IL12B: variants seen among roughly 807,000 people sequenced by gnomAD.
IL12B encodes interleukin-12 subunit beta.
A neutral mutation model predicts 39.2 loss-of-function variants in IL12B; 27 were observed. The observed-to-expected ratio is 0.69, with a 90% CI of 0.51 to 0.95. IL12B has a LOEUF of 0.95. Among genes scored for constraint, IL12B ranks in the 40% least tolerant of loss-of-function variants. The probability of loss-of-function intolerance (pLI) is 0.00; values close to 1 mark genes in which losing one functional copy is unlikely to be tolerated. For missense variants in IL12B, 351 were observed against 397.6 expected (o/e 0.88, Z 1.00); for synonymous variants, 142 against 152.1 (o/e 0.93, Z 0.49).
chr5:159,324,492 G>A (rs1754155418), intron 2 of IL12B, among the ~76,000 whole-genome samples: 1 of 152,268 alleles, frequency 6.6e-6, no homozygotes, highest in Admixed American at 6.5e-5. Flanking sequence ...CTCAGCTGCT[G>A]AATCAGAAAC....
At chr5:159,321,002 C>CT (rs142289784) in intron 4 of IL12B, among the ~76,000 whole-genome samples, 35,910 of 146,378 alleles carry the variant, frequency 0.25, 4,832 homozygotes, top group East Asian at 0.44. Flanking sequence ...CTCTCTCTCT[C>CT]TCTTTTTTTT....
At position 159,322,265 on chromosome 5, in the gene IL12B, T is replaced by C. The variant is rs1221638895; in HGVS notation, c.482+129A>G. The stretch of plus-strand genomic sequence containing the variant: ...CTTCAATGTAGACAAGGAAGGGCGG[T>C]TGAAAAAACACGGGTTTGACTTTGC... On this transcript the variant is annotated intron_variant, in intron 4 of 7. Coordinates refer to ENST00000231228, the MANE Select transcript of IL12B (RefSeq NM_002187.3). 1.2e-5 allele frequency: 9 copies of C among 762,926 alleles called. No homozygotes were observed. In the East Asian group the frequency reaches 1.5e-4, roughly 12 times the overall value. The allele number at this position is 762,926 out of a possible 1,614,324, so 47.3% of individuals were successfully genotyped here.
chr5:159,320,401 G>C lies in IL12B; in HGVS notation c.602C>G (p.Ala201Gly). 1 of 1,614,146 alleles carries C rather than the reference G, an allele frequency of 6.2e-7. No homozygotes were observed. The highest frequency in any genetic ancestry group is 8.5e-7 in the Non-Finnish European group (1 of 1,180,006). ...VECQEDSACP[A>G]AEESLPIEVM... ...CTCAATGGGCAGACTCTCCTCAGCA[G>C]CTGGGCAGGCACTGTCCTCCTGGCA... The change falls in exon 5 of 8, where the codon GCT becomes GGT. Residue 201 changes from alanine to glycine, a missense_variant. Coordinates refer to ENST00000231228, the MANE Select transcript of IL12B (RefSeq NM_002187.3).
chr5:159,323,963 T>C (rs895282901), intron 2 of IL12B, among the ~76,000 whole-genome samples: 1 of 151,620 alleles, frequency 6.6e-6, no homozygotes, highest in African/African-American at 2.4e-5. Flanking sequence ...AAATTCGGTG[T>C]TAGTTATCGT....
intron 1 of IL12B, among the ~76,000 whole-genome samples, chr5:159,327,359 C>G (rs1452854517): frequency 6.6e-6 from 1 of 152,184 alleles, no homozygotes; most frequent in African/African-American, 2.4e-5. Flanking sequence ...GCAGTGTGTG[C>G]TGGAGCACCC....
rs975427507 is a variant in IL12B at position 159,322,410 on chromosome 5, C to A, written c.466G>T (p.Val156Phe). The A allele has an allele frequency of 3.1e-6, 5 of 1,606,056 alleles. No homozygotes were observed. Among genetic ancestry groups the A allele is most frequent in the Non-Finnish European group, 3.4e-6 (4 of 1,172,742 alleles). Residue 156 changes from valine (V) to phenylalanine (F), a missense_variant, in exon 4 of 8, where the codon GTC becomes TTC. Val to Phe is a conservative substitution (Grantham distance 50). Coordinates refer to ENST00000231228, the MANE Select transcript of IL12B (RefSeq NM_002187.3). ...TTISTDLTFS[V>F]KSSRGSSDPQ... The stretch of plus-strand genomic sequence containing the variant: ...TTCACTCACCCTCTGCTGCTTTTGA[C>A]ACTGAATGTCAAATCAGTACTGATT...
intron 7 of IL12B, among the ~76,000 whole-genome samples, 188 bp downstream of exon 7, chr5:159,316,497 C>T (rs1435199336): frequency 1.3e-5 from 2 of 152,226 alleles, no homozygotes; most frequent in Non-Finnish European, 2.9e-5. Context: ...CTGTGGCCAG[C>T]ACAGTGTCCT....
At chr5:159,318,692 G>A (rs758978248) in intron 6 of IL12B, 44 bp downstream of exon 6, 14 of 1,594,734 alleles carry the variant, frequency 8.8e-6, no homozygotes, top group Middle Eastern at 1.7e-4. Context: ...GTGGGCCTCC[G>A]TAAAACTGAC....
intron 7 of IL12B, 132 bp downstream of exon 7, chr5:159,316,553 T>C: frequency 1.1e-6 from 1 of 881,814 alleles, no homozygotes; most frequent in African/African-American, 1.7e-5. Context: ...AATAAATGTA[T>C]GTTTCTGATT....
chr5:159,326,807 G>C (rs1177017144), intron 1 of IL12B, 25 bp from the exon 2 acceptor site: 3 of 1,349,930 alleles, frequency 2.2e-6, no homozygotes, highest in Non-Finnish European at 3.2e-6. Flanking sequence ...AGAAGCAGGG[G>C]GAAGAGAAGG....
chr5:159,317,341 C>T (rs1224269783), intron 6 of IL12B, among the ~76,000 whole-genome samples: 4 of 152,116 alleles, frequency 2.6e-5, no homozygotes, highest in South Asian at 2.1e-4. Context: ...GTAAAAATCA[C>T]GTCAAACTCT....
At chr5:159,326,430 G>GTCATATGTCTTTCCCCACCATATCATATA (rs1260276056) in intron 2 of IL12B, among the ~76,000 whole-genome samples, 17 of 152,186 alleles carry the variant, frequency 1.1e-4, no homozygotes, top group African/African-American at 4.1e-4. Flanking sequence ...AATATCATAT[G>GTCATATGTCTTTCCCCACCATATCATATA]TCATATGTCT....
rs752964137 is a variant in IL12B, at chr5:159,316,712, G to A, written c.960C>T (p.Ser320=). The A allele has an allele frequency of 8.5e-5, 137 of 1,613,526 alleles. No individual in the cohort carries two copies. The highest frequency in any genetic ancestry group is 1.1e-4 in the Non-Finnish European group (131 of 1,179,914). The change falls in exon 7 of 8, where the codon AGC becomes AGT. Residue 320 remains serine (S), a synonymous_variant. Transcript: ENST00000231228. ...AACTGCAGGGCACAGATGCCCATTC[G>A]CTCCAAGATGAGCTATAGTAGCGGT... ...AQDRYYSSSW[S]EWASVPCS is the part of the protein sequence containing the mutation.
At chr5:159,319,471 C>T (rs143037805) in intron 5 of IL12B, among the ~76,000 whole-genome samples, 35 of 152,342 alleles carry the variant, frequency 2.3e-4, no homozygotes, top group African/African-American at 7.7e-4. Flanking sequence ...AAGGATACAG[C>T]AGTGAGTTTC....
chr5:159,321,508 A>G (rs1754093752), intron 4 of IL12B, among the ~76,000 whole-genome samples: 1 of 152,106 alleles, frequency 6.6e-6, no homozygotes, highest in African/African-American at 2.4e-5. Context: ...ATCAAATTGT[A>G]TACATATGAT....
rs2113022227 is a variant in IL12B at position 159,315,965 on chromosome 5, TATC to T, written c.*133_*135del. The T allele has an allele frequency of 6.6e-6, 1 of 152,632 alleles. No individual in the cohort carries two copies. Among genetic ancestry groups the T allele is most frequent in the South Asian group, 2.1e-4 (1 of 4,838 alleles). The allele number at this position is 152,632 out of a possible 1,614,324, so 9.5% of individuals were successfully genotyped here. A position where few individuals can be genotyped will look rare whatever the true frequency, so the allele number is the denominator to read the frequency against. ...TCTAACTATACAAATACAGCAAAGATATCATTGTGATCCTAAAAAAACGTTTTA... is the reference window on the plus strand; with the variant it reads ...TCTAACTATACAAATACAGCAAAGATATTGTGATCCTAAAAAAACGTTTTA... On this transcript the variant is annotated 3_prime_UTR_variant, in exon 8 of 8. Transcript: ENST00000231228.
At chr5:159,319,699 C>T (rs970269652) in intron 5 of IL12B, among the ~76,000 whole-genome samples, 2 of 152,210 alleles carry the variant, frequency 1.3e-5, no homozygotes, top group African/African-American at 4.8e-5. Flanking sequence ...CTTCCTTGGC[C>T]ACCCTATGTG....
chr5:159,320,198 A>G, intron 5 of IL12B, 108 bp downstream of exon 5: 1 of 928,068 alleles, frequency 1.1e-6, no homozygotes, highest in Non-Finnish European at 1.7e-6. Context: ...ATGCAGAATA[A>G]AAGAGATGAT....
chr5:159,323,971 C>T (rs3213093), intron 2 of IL12B, among the ~76,000 whole-genome samples: 40,114 of 151,110 alleles, frequency 0.27, 5,874 homozygotes, highest in East Asian at 0.47. Context: ...TGTTAGTTAT[C>T]GTTACTTATA....
Sources: allele counts gnomAD v4.1 joint callset (sites outside exome capture counted in the v4.1 genomes callset), GRCh38; gene constraint gnomAD v4.1.1; transcripts MANE v1.5; gene names NCBI Gene and HGNC (gene_info 2026-07-23, HGNC 2026-07-21).